GPHN: variants seen among roughly 807,000 people sequenced by gnomAD.
GPHN encodes the protein gephyrin.
GPHN carries 17 observed loss-of-function variants against 95.5 expected under a neutral mutation model. That is an observed-to-expected ratio of 0.18 (90% CI 0.12 to 0.27). GPHN has a LOEUF of 0.27. GPHN is among the 10% of genes least tolerant of loss of function. The pLI, the probability that GPHN is intolerant of heterozygous loss-of-function variation, is 1.00. For missense variants in GPHN, 660 were observed against 978.1 expected (o/e 0.67, Z 4.34); for synonymous variants, 320 against 322.5 (o/e 0.99, Z 0.08).
chr14:66,602,311 A>G (rs2062290609), intron 1 of GPHN, among the ~76,000 whole-genome samples: 1 of 151,956 alleles, frequency 6.6e-6, no homozygotes, highest in South Asian at 2.1e-4. Flanking sequence ...TAATCAGAAA[A>G]CACCATACTA....
intron 1 of GPHN, among the ~76,000 whole-genome samples, chr14:66,560,720 G>C (rs2060198004): frequency 6.6e-6 from 1 of 152,068 alleles, no homozygotes; most frequent in Non-Finnish European, 1.5e-5. Flanking sequence ...TTTCCTAATT[G>C]AATACCCTTT....
chr14:67,616,824 G>T, the GPHN span: 1 of 151,450 alleles, frequency 6.6e-6, no homozygotes, highest in Admixed American at 6.6e-5. Context: ...AAATAATTTT[G>T]TTCATGAAAC....
chr14:67,582,407 A>AT, the GPHN span: 1 of 888,818 alleles, frequency 1.1e-6, no homozygotes, highest in African/African-American at 1.7e-5. This position sits in a 1 kb window ranked among gnomAD's most constrained non-coding sequence, Gnocchi z 5.0. Context: ...ATGCGTGCAG[A>AT]TGGCTGGACT....
chr14:67,166,544 G>C (rs139322817), intron 20 of GPHN, among the ~76,000 whole-genome samples: 1 of 152,332 alleles, frequency 6.6e-6, no homozygotes, highest in Non-Finnish European at 1.5e-5. Context: ...TGAACCAACA[G>C]AGGGCAGCAG....
intron 13 of GPHN, 81 bp from the exon 14 acceptor site, chr14:67,110,059 T>A (rs1171488736): frequency 1.7e-6 from 2 of 1,199,588 alleles, no homozygotes; most frequent in Admixed American, 3.5e-5. Flanking sequence ...TTTTTTAATA[T>A]TAAAAAAATT....
chr14:67,613,086 GC>G, the GPHN span: 2 of 152,144 alleles, frequency 1.3e-5, no homozygotes, highest in Non-Finnish European at 2.9e-5. Flanking sequence ...CTTGAGGATT[GC>G]AATACAGGAG....
chr14:67,491,439 G>A, the GPHN span, among the ~76,000 whole-genome samples: 3 of 152,146 alleles, frequency 2.0e-5, no homozygotes, highest in African/African-American at 7.2e-5. Context: ...AGGCTGTCTA[G>A]CCCCTCCACC....
intron 21 of GPHN, among the ~76,000 whole-genome samples, chr14:67,177,275 G>A (rs141989614): frequency 1.1e-4 from 17 of 152,222 alleles, no homozygotes; most frequent in African/African-American, 2.9e-4. Context: ...CTGGTATGTC[G>A]TGTCTTTGTT....
the GPHN span, among the ~76,000 whole-genome samples, chr14:67,603,166 C>CT: frequency 6.6e-6 from 1 of 152,170 alleles, no homozygotes; most frequent in South Asian, 2.1e-4. Flanking sequence ...ACTTCCTGGG[C>CT]TAAAGAGATC....
intron 2 of GPHN, among the ~76,000 whole-genome samples, chr14:66,689,002 A>T (rs546387180): frequency 6.6e-6 from 1 of 152,302 alleles, no homozygotes; most frequent in African/African-American, 2.4e-5. Context: ...AACATGGCAC[A>T]TGTATACCTG....
chr14:66,510,208 T>C (rs2057987214), intron 1 of GPHN, among the ~76,000 whole-genome samples: 1 of 152,240 alleles, frequency 6.6e-6, no homozygotes, highest in Non-Finnish European at 1.5e-5. Context: ...GATGTCAAAG[T>C]GTATATCTTT....
At chr14:66,916,116 C>A in intron 6 of GPHN, 47 bp downstream of exon 6, 1 of 1,299,536 alleles carries the variant, frequency 7.7e-7, no homozygotes, top group Non-Finnish European at 1.1e-6. Context: ...AGCTTTTGAC[C>A]AGCCGTGAAA....
chr14:67,042,256 G>A (rs1432893608), intron 10 of GPHN, among the ~76,000 whole-genome samples: 2 of 151,918 alleles, frequency 1.3e-5, no homozygotes, highest in African/African-American at 4.8e-5. Context: ...GTCAATTTTG[G>A]CTTTTGTTGC....
chr14:66,894,307 A>T (rs2064705676), intron 5 of GPHN, among the ~76,000 whole-genome samples: 2 of 152,226 alleles, frequency 1.3e-5, no homozygotes, highest in African/African-American at 4.8e-5. Context: ...CTGGCTAGCC[A>T]TATGTAGTAA....
intron 4 of GPHN, among the ~76,000 whole-genome samples, chr14:66,865,870 C>G (rs2063204306): frequency 6.6e-6 from 1 of 152,050 alleles, no homozygotes; most frequent in Non-Finnish European, 1.5e-5. Flanking sequence ...TTTGGCTTGG[C>G]TCTTTTATTA....
intron 4 of GPHN, among the ~76,000 whole-genome samples, chr14:66,870,872 T>C (rs2063407308): frequency 1.3e-5 from 2 of 152,218 alleles, no homozygotes; most frequent in Admixed American, 6.5e-5. Context: ...ACAATTCAGA[T>C]GCTTCCTAAT....
the GPHN span, chr14:67,586,088 T>C: frequency 6.2e-7 from 1 of 1,613,956 alleles, no homozygotes; most frequent in African/African-American, 1.3e-5. Flanking sequence ...TCCGGATGGC[T>C]GCTCCCAAGG....
At chr14:67,646,159 T>TGG in the GPHN span, among the ~76,000 whole-genome samples, 1 of 152,140 alleles carries the variant, frequency 6.6e-6, no homozygotes, top group Non-Finnish European at 1.5e-5. Flanking sequence ...TCAGAATATA[T>TGG]GGGAGTCCAT....
At chr14:67,129,005 G>C (rs2079517952) in intron 17 of GPHN, among the ~76,000 whole-genome samples, 1 of 150,900 alleles carries the variant, frequency 6.6e-6, no homozygotes, top group African/African-American at 2.4e-5. Context: ...GTAAAGACAG[G>C]GTTTCTCCAT....
Sources: gnomAD v4.1 joint callset for allele counts (sites outside exome capture counted in the v4.1 genomes callset) on GRCh38, gnomAD v4.1.1 for gene constraint, Gnocchi (gnomAD v3.1) non-coding constraint, MANE v1.5 for transcripts, NCBI Gene and HGNC (gene_info 2026-07-23, HGNC 2026-07-21) for gene names.